Variants in RTKN observed in about 807,000 individuals in gnomAD.
RTKN encodes rhotekin.
A neutral mutation model predicts 63.5 loss-of-function variants in RTKN; 49 were observed. The observed-to-expected ratio is 0.77, with a 90% CI of 0.61 to 0.98. RTKN has a LOEUF of 0.98. Ranked by LOEUF, RTKN falls within the 50% of genes least tolerant of loss-of-function variation. The probability of loss-of-function intolerance (pLI) is 0.00; values close to 1 mark genes in which losing one functional copy is unlikely to be tolerated. For missense variants in RTKN, 685 were observed against 740.8 expected, an observed-to-expected ratio of 0.92 and a Z score of 0.87; for synonymous variants, 295 against 290.4, an observed-to-expected ratio of 1.02 and a Z score of -0.16.
intron 2 of RTKN, 140 bp from the exon 3 acceptor site, chr2:74,430,817 A>C: frequency 3.9e-6 from 3 of 772,636 alleles, no homozygotes; most frequent in Non-Finnish European, 4.1e-6. Context: ...GGGCTGAGGG[A>C]CTATAAGGGA....
chr2:74,429,927 C>G lies in RTKN; in HGVS notation c.656G>C (p.Ser219Thr), dbSNP rs749800642. The G allele has an allele frequency of 6.2e-7, 1 of 1,614,108 alleles. No individual in the cohort carries two copies. The highest frequency in any genetic ancestry group is 1.3e-5 in the African/African-American group (1 of 74,948). The change falls in exon 6 of 12, where the codon AGC (serine) becomes ACC (threonine). Residue 219 changes from serine to threonine, a missense_variant. By Grantham distance (58) the Ser-to-Thr change is moderately conservative (BLOSUM62 1). Transcript: ENST00000272430. ...GPKRLATKLS[S>T]SLGRSSGRRV... ...CCTCCCTGAGGAGCGGCCCAGGGAG[C>G]TGCTGAGTTTGGTGGCAAGCCTCTT...
intron 4 of RTKN, 39 bp from the exon 5 acceptor site, chr2:74,430,408 G>C (rs377608665): frequency 6.2e-7 from 1 of 1,613,102 alleles, no homozygotes; most frequent in African/African-American, 1.3e-5. Flanking sequence ...CGTCCCACGA[G>C]AGCCTCCTAC....
At chr2:74,440,715 C>T in intron 1 of RTKN, 1 of 238,422 alleles carries the variant, frequency 4.2e-6, no homozygotes, top group Non-Finnish European at 6.8e-6. Context: ...GGCAAGGGGA[C>T]GCGACAAAGG....
rs1670671432 is a variant in RTKN at position 74,430,254 on chromosome 2, G to A, written c.543C>T (p.Leu181=). The change falls in exon 5 of 12, where the codon CTC becomes CTT. Residue 181 remains leucine (L), a splice_region_variant and synonymous_variant. Coordinates refer to ENST00000272430, the MANE Select transcript of RTKN (RefSeq NM_001015055.2). ...LTDISFQSNV[L]FAEAGPDFEL... ...TAGCCACAGTGTGAGGTACTCACAA[G>A]AGCACATTGCTCTGAAAGGAGATGT... is the stretch of plus-strand genomic sequence containing the variant. The A allele has an allele frequency of 1.9e-6, 3 of 1,612,402 alleles. No homozygotes were observed. The highest frequency in any genetic ancestry group is 3.3e-4 in the Middle Eastern group (2 of 6,060).
At position 74,426,236 on chromosome 2, in the gene RTKN, TTC is replaced by T; in HGVS notation, c.*5_*6del. 5 of 1,612,356 alleles carry T rather than the reference TTC, an allele frequency of 3.1e-6. No individual in the cohort carries two copies. The highest frequency in any genetic ancestry group is 4.2e-6 in the Non-Finnish European group (5 of 1,178,492). On this transcript the variant is annotated 3_prime_UTR_variant, in exon 12 of 12. Transcript: ENST00000272430. ...CTGGGCAGATCCTATGCCAGCACCTTTCTCTCTCACACTGGTGACTGGAGCCA... is the reference window on the plus strand; with the variant it reads ...CTGGGCAGATCCTATGCCAGCACCTTTCTCTCACACTGGTGACTGGAGCCA...
intron 1 of RTKN, among the ~76,000 whole-genome samples, chr2:74,437,230 A>T (rs927366811): frequency 6.6e-6 from 1 of 152,184 alleles, no homozygotes; most frequent in African/African-American, 2.4e-5. Context: ...TGAGAATTAT[A>T]TGGGAAAGTC....
chr2:74,426,400 G>A lies in RTKN; in HGVS notation c.1535C>T (p.Pro512Leu). 2 of 1,611,776 alleles carry A rather than the reference G, an allele frequency of 1.2e-6. No homozygotes were observed. Among genetic ancestry groups the A allele is most frequent in the Non-Finnish European group, 8.5e-7 (1 of 1,178,850 alleles). Residue 512 changes from proline (P) to leucine (L), a missense_variant, in exon 12 of 12, where the codon CCC becomes CTC. Physicochemically the swap from Pro to Leu is moderately conservative, Grantham distance 98. Transcript: ENST00000272430. ...APAPDWTHPL[P>L]WGRPRTFSLD... is the part of the protein sequence containing the mutation. ...GGAAAAGGTTCGGGGTCTCCCCCAG[G>A]GCAGGGGGTGGGTCCAGTCTGGGGC...
At position 74,441,714 on chromosome 2, in the gene RTKN, G is replaced by A; in HGVS notation, c.103C>T (p.Leu35=). The A allele has an allele frequency of 1.9e-6, 3 of 1,609,930 alleles. No homozygotes were observed. Among genetic ancestry groups the A allele is most frequent in the African/African-American group, 1.3e-5 (1 of 75,024 alleles). The change falls in exon 1 of 12, where the codon CTG becomes TTG. Residue 35 remains leucine, a synonymous_variant. Coordinates refer to ENST00000272430, the MANE Select transcript of RTKN (RefSeq NM_001015055.2). ...GGACGCGAGTCTCTCACCTCGGGCA[G>A]GTCGCTGAAGAGGCTGAGTCGGAAG... The part of the protein sequence containing the change: ...GRFRLSLFSD[L]PEDTELQRKL...
chr2:74,430,605 G>A lies in RTKN; in HGVS notation c.373+11C>T. 6.2e-7 allele frequency: 1 copy of A among 1,614,146 alleles called. No individual in the cohort carries two copies. The highest frequency in any genetic ancestry group is 1.1e-5 in the South Asian group (1 of 91,088). The stretch of plus-strand genomic sequence containing the variant: ...AGGGGTACCAGCAGCTGGGGTAGCT[G>A]TGCTTCTTACCAGAGATGCAGACCC... On this transcript the variant is annotated intron_variant, in intron 3 of 11. Transcript: ENST00000272430.
rs530502215 is a variant in RTKN at position 74,426,581 on chromosome 2, C to T, written c.1361-7G>A. The T allele has an allele frequency of 5.2e-5, 79 of 1,522,854 alleles. 1 individual carries two copies. Among genetic ancestry groups the T allele is most frequent in the South Asian group, 2.6e-4 (20 of 77,066 alleles). The allele number at this position is 1,522,854 out of a possible 1,614,324, so 94.3% of individuals were successfully genotyped here. ...TCATCCAGCGGCTCAATAGCTGTGGCACCAGGAAGGGGTTGGGGGAGGGTT... is the reference window on the plus strand; with the variant it reads ...TCATCCAGCGGCTCAATAGCTGTGGTACCAGGAAGGGGTTGGGGGAGGGTT... On this transcript the variant is annotated splice_polypyrimidine_tract_variant and splice_region_variant and intron_variant, in intron 11 of 11. Transcript: ENST00000272430.
In RTKN at chr2:74,441,892, G is replaced by A; in HGVS notation, c.-76C>T. On this transcript the variant is annotated 5_prime_UTR_variant, in exon 1 of 12. Transcript: ENST00000272430. Reference sequence around the variant, plus strand: ...GCTTAGCCTCCTCTCCTCGGCTTCTGTCTCTCGACGCTCGTCCGCCAGTCC... The same window carrying A: ...GCTTAGCCTCCTCTCCTCGGCTTCTATCTCTCGACGCTCGTCCGCCAGTCC... 1.2e-6 allele frequency: 1 copy of A among 851,822 alleles called. No homozygotes were observed. The highest frequency in any genetic ancestry group is 1.9e-6 in the Non-Finnish European group (1 of 530,880). The allele number at this position is 851,822 out of a possible 1,614,324, so 52.8% of individuals were successfully genotyped here.
chr2:74,429,839 G>T lies in RTKN; in HGVS notation c.744C>A (p.Thr248=), dbSNP rs777439644. Residue 248 remains threonine (T), a synonymous_variant, in exon 6 of 12, where the codon ACC becomes ACA. Transcript: ENST00000272430. The stretch of plus-strand genomic sequence containing the variant: ...GTGCAAGGCCTTACCCAACAACTGG[G>T]GTGGGGAGCAAGATGGGACTGCTCC... ...GSGSSPILLP[T]PVVGGPRYHL... 6.2e-7 allele frequency: 1 copy of T among 1,613,734 alleles called. No homozygotes were observed. The highest frequency in any genetic ancestry group is 1.7e-5 in the Admixed American group (1 of 60,028).
At chr2:74,434,543 G>A (rs1320414075) in intron 1 of RTKN, among the ~76,000 whole-genome samples, 1 of 152,146 alleles carries the variant, frequency 6.6e-6, no homozygotes, top group Non-Finnish European at 1.5e-5. Flanking sequence ...GCCTCCCAAA[G>A]TGCTGGGATT....
At chr2:74,429,507 T>C (rs901159671) in intron 6 of RTKN, among the ~76,000 whole-genome samples, 2 of 152,186 alleles carry the variant, frequency 1.3e-5, no homozygotes, top group African/African-American at 4.8e-5. Context: ...GGAGGATCAC[T>C]TGAGCCCAGG....
chr2:74,427,175 C>G lies in RTKN; in HGVS notation c.1354G>C (p.Glu452Gln), dbSNP rs1670443643. 2 of 1,613,762 alleles carry G rather than the reference C, an allele frequency of 1.2e-6. No homozygotes were observed. The highest frequency in any genetic ancestry group is 1.7e-6 in the Non-Finnish European group (2 of 1,179,686). The change falls in exon 11 of 12, where the codon GAG (glutamate) becomes CAG (glutamine). Residue 452 changes from glutamate (E) to glutamine (Q), a missense_variant. By Grantham distance (29) the Glu-to-Gln change is conservative. Coordinates refer to ENST00000272430, the MANE Select transcript of RTKN (RefSeq NM_001015055.2). ...ALAKQGSLYH[E>Q]MAIEPLDDIA... is the part of the protein sequence containing the mutation. ...TCACATTCCTCTCACTTACCCATCT[C>G]ATGGTACAAGGACCCCTGCTTTGCC...
intron 1 of RTKN, among the ~76,000 whole-genome samples, chr2:74,434,126 C>G (rs1467353801): frequency 3.3e-5 from 5 of 151,230 alleles, no homozygotes; most frequent in Non-Finnish European, 5.9e-5. Context: ...TTTTTGAGAC[C>G]GAGTCTCACT....
chr2:74,430,071 A>T, intron 5 of RTKN, 34 bp from the exon 6 acceptor site: 2 of 1,612,070 alleles, frequency 1.2e-6, no homozygotes, highest in Non-Finnish European at 8.5e-7. Context: ...TGGTCACAGG[A>T]AAGTCCAGGG....
intron 1 of RTKN, among the ~76,000 whole-genome samples, chr2:74,437,426 C>T (rs534514696): frequency 6.6e-6 from 1 of 152,192 alleles, no homozygotes; most frequent in South Asian, 2.1e-4. Flanking sequence ...AACACAGCAC[C>T]CTCAGCCACT....
intron 1 of RTKN, among the ~76,000 whole-genome samples, chr2:74,437,052 A>G (rs1260777204): frequency 6.6e-6 from 1 of 151,942 alleles, no homozygotes. Flanking sequence ...CCACTCTCTT[A>G]AGTCTCTGAC....
Sources: gnomAD v4.1 joint callset for allele counts (sites outside exome capture counted in the v4.1 genomes callset) on GRCh38, gnomAD v4.1.1 for gene constraint, MANE v1.5 for transcripts, NCBI Gene and HGNC (gene_info 2026-07-23, HGNC 2026-07-21) for gene names.